DNAAF9: variants seen among roughly 807,000 people sequenced by gnomAD.
DNAAF9 encodes the protein dynein axonemal assembly factor 9, also known as shulin.
DNAAF9 carries 90 observed loss-of-function variants against 167.0 expected under a neutral mutation model. The ratio of observed to expected loss-of-function variants is 0.54; its 90% CI spans 0.45 to 0.64. DNAAF9 has a LOEUF of 0.64. Ranked by LOEUF, DNAAF9 falls within the 30% of genes least tolerant of loss-of-function variation. The probability of loss-of-function intolerance (pLI) is 0.00; values close to 1 mark genes in which losing one functional copy is unlikely to be tolerated. For synonymous variants in DNAAF9, 491 were observed against 508.8 expected (o/e 0.96, Z 0.47); for missense variants, 1,315 against 1,442.2 (o/e 0.91, Z 1.43).
intron 10 of DNAAF9, among the ~76,000 whole-genome samples, chr20:3,332,900 G>GGTGTGT (rs3082550): frequency 0.049 from 7,263 of 146,856 alleles, 245 homozygotes; most frequent in East Asian, 0.11. Flanking sequence ...GTGTGCGTGT[G>GGTGTGT]GTGTGTGTGT....
intron 15 of DNAAF9, 41 bp downstream of exon 15, chr20:3,322,611 A>G: frequency 6.7e-7 from 1 of 1,494,790 alleles, no homozygotes; most frequent in African/African-American, 1.4e-5. Context: ...ATCTTCCTAA[A>G]ACTTGCTCCA....
At chr20:3,350,449 T>C (rs1382974703) in intron 7 of DNAAF9, among the ~76,000 whole-genome samples, 1 of 152,060 alleles carries the variant, frequency 6.6e-6, no homozygotes, top group South Asian at 2.1e-4. Flanking sequence ...TCTATCTATA[T>C]ATACATACAT....
At chr20:3,344,632 CACACACA>C (rs1568617728) in intron 8 of DNAAF9, among the ~76,000 whole-genome samples, 14 of 129,750 alleles carry the variant, frequency 1.1e-4, no homozygotes, top group South Asian at 2.4e-4. Flanking sequence ...CACACACACA[CACACACA>C]CCTCATGTAG....
chr20:3,353,692 C>G (rs2083246965), intron 7 of DNAAF9, among the ~76,000 whole-genome samples: 1 of 138,056 alleles, frequency 7.2e-6, no homozygotes, highest in South Asian at 2.3e-4. Context: ...TGTTTCAATT[C>G]TATTAGAAAC....
intron 27 of DNAAF9, 80 bp downstream of exon 27, chr20:3,287,552 G>T: frequency 7.4e-7 from 1 of 1,350,262 alleles, no homozygotes; most frequent in Non-Finnish European, 1.1e-6. Flanking sequence ...CTGTGCTCCA[G>T]GTTTGTTACA....
intron 13 of DNAAF9, among the ~76,000 whole-genome samples, chr20:3,325,181 T>C (rs1007381254): frequency 1.3e-5 from 2 of 152,200 alleles, no homozygotes; most frequent in Non-Finnish European, 2.9e-5. Context: ...AGGCTAGGTT[T>C]ACAGGACAAA....
intron 33 of DNAAF9, among the ~76,000 whole-genome samples, chr20:3,258,822 G>A (rs749636601): frequency 7.9e-5 from 12 of 152,128 alleles, no homozygotes; most frequent in Non-Finnish European, 1.3e-4. Flanking sequence ...CCTAACAGAC[G>A]CACTCCCTCT....
intron 7 of DNAAF9, among the ~76,000 whole-genome samples, chr20:3,350,571 T>C (rs2123145294): frequency 6.6e-6 from 1 of 152,270 alleles, no homozygotes; most frequent in East Asian, 1.9e-4. Context: ...CAATGAGTAC[T>C]TCTAGCACTC....
chr20:3,380,167 C>T (rs79938153), intron 3 of DNAAF9, among the ~76,000 whole-genome samples: 7,186 of 152,208 alleles, frequency 0.047, 261 homozygotes, highest in African/African-American at 0.1. Context: ...TGAGGTGAAA[C>T]GTGTGGCTGG....
At chr20:3,289,082 G>A (rs537792746) in intron 26 of DNAAF9, among the ~76,000 whole-genome samples, 3 of 152,238 alleles carry the variant, frequency 2.0e-5, no homozygotes, top group South Asian at 2.1e-4. Flanking sequence ...GCACAGTAGC[G>A]TGTGCCTGTA....
intron 28 of DNAAF9, among the ~76,000 whole-genome samples, chr20:3,280,875 A>G (rs2068753575): frequency 6.6e-6 from 1 of 152,008 alleles, no homozygotes; most frequent in African/African-American, 2.4e-5. Context: ...CCATCTTCCA[A>G]GTGTGCTGAG....
intron 25 of DNAAF9, among the ~76,000 whole-genome samples, chr20:3,292,630 G>C (rs1164902325): frequency 1.3e-5 from 2 of 152,048 alleles, no homozygotes; most frequent in Non-Finnish European, 2.9e-5. Context: ...GCTGGGCTTG[G>C]TGGCACATGC....
intron 16 of DNAAF9, among the ~76,000 whole-genome samples, chr20:3,321,411 G>A (rs2236118): frequency 0.2 from 29,916 of 151,734 alleles, 3,147 homozygotes; most frequent in African/African-American, 0.25. Flanking sequence ...TAACATGATG[G>A]TAATATTTGT....
At chr20:3,305,922 C>T (rs1189229716) in intron 20 of DNAAF9, among the ~76,000 whole-genome samples, 1 of 152,062 alleles carries the variant, frequency 6.6e-6, no homozygotes, top group Non-Finnish European at 1.5e-5. Flanking sequence ...TTCCTGAGGC[C>T]CTCTGAAAAG....
intron 21 of DNAAF9, among the ~76,000 whole-genome samples, chr20:3,300,946 G>C (rs2069174942): frequency 6.7e-6 from 1 of 150,290 alleles, no homozygotes; most frequent in African/African-American, 2.4e-5. Context: ...AGAGAAGAAA[G>C]TTTTAAAAAA....
At chr20:3,325,762 AGG>A (rs969290708) in intron 13 of DNAAF9, among the ~76,000 whole-genome samples, 6 of 152,216 alleles carry the variant, frequency 3.9e-5, no homozygotes, top group African/African-American at 1.4e-4. Flanking sequence ...GTGCTTGTCT[AGG>A]AAAAGCAAGT....
intron 21 of DNAAF9, among the ~76,000 whole-genome samples, chr20:3,300,727 A>AATT: frequency 7.9e-6 from 1 of 127,354 alleles, no homozygotes; most frequent in African/African-American, 2.9e-5. Context: ...TAATAATAAT[A>AATT]ATTTTTTGTA....
chr20:3,299,664 C>T (rs1167042862), intron 21 of DNAAF9, among the ~76,000 whole-genome samples: 1 of 152,200 alleles, frequency 6.6e-6, no homozygotes, highest in East Asian at 1.9e-4. Flanking sequence ...ATGGTTCTGG[C>T]ATCCTTGTCA....
chr20:3,324,930 T>C lies in DNAAF9; in HGVS notation c.1227A>G (p.Leu409=). ...TAAACGGAATCAACTCAAAGGAATCTAACCCAGATCCCAGAGTTTGCTCTG... is the reference window on the plus strand; with the variant it reads ...TAAACGGAATCAACTCAAAGGAATCCAACCCAGATCCCAGAGTTTGCTCTG... ...EVAEQTLGSG[L]DSFELIPFKA... is the part of the protein sequence containing the mutation. The change falls in exon 14 of 37, where the codon TTA becomes TTG. Residue 409 remains leucine, a synonymous_variant. Transcript: ENST00000252032. The C allele has an allele frequency of 1.9e-6, 3 of 1,609,308 alleles. No individual in the cohort carries two copies. Among genetic ancestry groups the C allele is most frequent in the Non-Finnish European group, 1.7e-6 (2 of 1,175,532 alleles).
Sources: gnomAD v4.1 joint callset for allele counts (sites outside exome capture counted in the v4.1 genomes callset) on GRCh38, gnomAD v4.1.1 for gene constraint, MANE v1.5 for transcripts, NCBI Gene and HGNC (gene_info 2026-07-23, HGNC 2026-07-21) for gene names.